Variants in DNAJC16 observed in about 807,000 individuals in gnomAD.
The protein encoded by DNAJC16 is dnaJ homolog subfamily C member 16.
Under a neutral mutation model 92.7 loss-of-function variants are expected in DNAJC16, and 76 were observed. The ratio of observed to expected loss-of-function variants is 0.82; its 90% CI spans 0.68 to 0.99. DNAJC16 has a LOEUF of 0.99. DNAJC16 is among the 50% of genes least tolerant of loss of function. The pLI is 0.00. For synonymous variants in DNAJC16, 328 were observed against 358.7 expected, an observed-to-expected ratio of 0.91 and a Z score of 0.97; for missense variants, 869 against 942.4, an observed-to-expected ratio of 0.92 and a Z score of 1.02.
intron 4 of DNAJC16, among the ~76,000 whole-genome samples, chr1:15,537,179 C>T (rs1009217293): frequency 1.3e-5 from 2 of 152,122 alleles, no homozygotes; most frequent in African/African-American, 2.4e-5. Flanking sequence ...ATTGCCTATT[C>T]TATAAACCCT....
intron 11 of DNAJC16, chr1:15,565,224 G>A (rs1439487787): frequency 6.6e-6 from 1 of 152,470 alleles, no homozygotes; most frequent in African/African-American, 2.4e-5. Context: ...GCAGAGCCTG[G>A]GACTGTCTCT....
chr1:15,528,637 A>G (rs1192544155), intron 1 of DNAJC16, among the ~76,000 whole-genome samples: 3 of 152,218 alleles, frequency 2.0e-5, no homozygotes, highest in African/African-American at 4.8e-5. Context: ...AGTTTTGTAC[A>G]TGGTAAATCT....
intron 8 of DNAJC16, among the ~76,000 whole-genome samples, chr1:15,561,495 G>T (rs1638690520): frequency 6.6e-6 from 1 of 152,128 alleles, no homozygotes; most frequent in Non-Finnish European, 1.5e-5. Flanking sequence ...GACCAGCCTG[G>T]CCAACATAGT....
At chr1:15,543,247 G>A (rs1026049408) in intron 4 of DNAJC16, among the ~76,000 whole-genome samples, 2 of 152,258 alleles carry the variant, frequency 1.3e-5, no homozygotes, top group African/African-American at 4.8e-5. Flanking sequence ...AGCAGGTTGT[G>A]TGTGGACCCT....
At chr1:15,535,917 A>G (rs1476787628) in intron 3 of DNAJC16, among the ~76,000 whole-genome samples, 1 of 148,046 alleles carries the variant, frequency 6.8e-6, no homozygotes, top group Non-Finnish European at 1.5e-5. Flanking sequence ...GGCACGCACC[A>G]CCATGCCTGG....
intron 7 of DNAJC16, among the ~76,000 whole-genome samples, chr1:15,552,490 A>G (rs915497125): frequency 3.3e-5 from 5 of 150,192 alleles, no homozygotes; most frequent in African/African-American, 1.2e-4. Flanking sequence ...CTTCATCTCA[A>G]AAAAAAAAAG....
intron 4 of DNAJC16, among the ~76,000 whole-genome samples, chr1:15,540,352 C>G (rs946525029): frequency 2.0e-5 from 3 of 152,052 alleles, no homozygotes; most frequent in African/African-American, 7.2e-5. Flanking sequence ...AAAAAAACCA[C>G]AAATGTAAAA....
chr1:15,549,835 A>C (rs1638402219), intron 7 of DNAJC16, among the ~76,000 whole-genome samples: 1 of 151,900 alleles, frequency 6.6e-6, no homozygotes, highest in African/African-American at 2.4e-5. Context: ...AAAAAAAAAA[A>C]AAAGATGTTT....
In DNAJC16 at chr1:15,544,602, A is replaced by G; in HGVS notation, c.759+19A>G. 6.2e-7 allele frequency: 1 copy of G among 1,612,620 alleles called. No individual in the cohort carries two copies. The highest frequency in any genetic ancestry group is 1.3e-5 in the African/African-American group (1 of 75,010). On this transcript the variant is annotated intron_variant, in intron 5 of 14. Coordinates refer to ENST00000375847, the MANE Select transcript of DNAJC16 (RefSeq NM_015291.4). Reference sequence around the variant, plus strand: ...GGAGAAAGTAAGTATCTGTCAAGGAAACTATGGCTGAGAAGTAGTTTAAGA... The same window carrying G: ...GGAGAAAGTAAGTATCTGTCAAGGAGACTATGGCTGAGAAGTAGTTTAAGA...
At chr1:15,563,094 C>A (rs1570929401) in intron 9 of DNAJC16, among the ~76,000 whole-genome samples, 2 of 152,012 alleles carry the variant, frequency 1.3e-5, no homozygotes, top group East Asian at 3.9e-4. Context: ...TCTCCTCTGA[C>A]TTTTCATCAT....
rs1449570627 is a variant in DNAJC16 at position 15,569,285 on chromosome 1, G to A, written c.*1108G>A. ...TTTTGCAGGAAGTGAGCCAAGATTTGTTCTAGACTCCCATTTTGCAAAAGG... is the reference window on the plus strand; with the variant it reads ...TTTTGCAGGAAGTGAGCCAAGATTTATTCTAGACTCCCATTTTGCAAAAGG... On this transcript the variant is annotated 3_prime_UTR_variant, in exon 15 of 15. Coordinates refer to ENST00000375847, the MANE Select transcript of DNAJC16 (RefSeq NM_015291.4). 1 of 152,264 alleles carries A rather than the reference G, an allele frequency of 6.6e-6. No homozygotes were observed. Among genetic ancestry groups the A allele is most frequent in the Non-Finnish European group, 1.5e-5 (1 of 68,028 alleles). The allele number at this position is 152,264 out of a possible 1,614,324, so 9.4% of individuals were successfully genotyped here. A position where few individuals can be genotyped will look rare whatever the true frequency, so the allele number is the denominator to read the frequency against.
intron 14 of DNAJC16, 76 bp from the exon 15 acceptor site, chr1:15,567,702 C>T: frequency 6.2e-6 from 9 of 1,447,748 alleles, no homozygotes; most frequent in Non-Finnish European, 8.4e-6. Context: ...TTTTAAGTCT[C>T]ACTGGGGTAT....
chr1:15,551,601 G>GT (rs67556735), intron 7 of DNAJC16, among the ~76,000 whole-genome samples: 6,959 of 142,528 alleles, frequency 0.049, 273 homozygotes, highest in African/African-American at 0.11. Flanking sequence ...AAGTGATGTG[G>GT]TTTTTTTTTT....
chr1:15,568,698 C>T lies in DNAJC16; in HGVS notation c.*521C>T, dbSNP rs149794256. 73 of 399,110 alleles carry T rather than the reference C, an allele frequency of 1.8e-4. No homozygotes were observed. Among genetic ancestry groups the T allele is most frequent in the African/African-American group, 1.3e-3 (64 of 48,758 alleles). The allele number at this position is 399,110 out of a possible 1,614,324, so 24.7% of individuals were successfully genotyped here. Reference sequence around the variant, plus strand: ...AAAGGCCCCTTTCCAAGCAATCTCACGTTTACTGGTTGTTCTGGGAGTAAG... The same window carrying T: ...AAAGGCCCCTTTCCAAGCAATCTCATGTTTACTGGTTGTTCTGGGAGTAAG... On this transcript the variant is annotated 3_prime_UTR_variant, in exon 15 of 15. Transcript: ENST00000375847.
Position 15,568,411 on chromosome 1 carries a change from T to C in DNAJC16, c.*234T>C, listed in dbSNP as rs1638869444. ...TCCTCTGGGTGTTATTTTTCCCCACTGAATGCCACACCATTGAAAATAGAC... is the reference window on the plus strand; with the variant it reads ...TCCTCTGGGTGTTATTTTTCCCCACCGAATGCCACACCATTGAAAATAGAC... On this transcript the variant is annotated 3_prime_UTR_variant, in exon 15 of 15. Transcript: ENST00000375847. The C allele has an allele frequency of 1.8e-6, 1 of 546,418 alleles. No individual in the cohort carries two copies. The highest frequency in any genetic ancestry group is 3.4e-5 in the Admixed American group (1 of 29,228). 33.8% of individuals were successfully genotyped at this position (546,418 alleles called of 1,614,324 possible).
chr1:15,534,963 T>C (rs1325848811), intron 3 of DNAJC16, among the ~76,000 whole-genome samples: 4 of 152,194 alleles, frequency 2.6e-5, no homozygotes, highest in African/African-American at 9.7e-5. Flanking sequence ...AAACACAAGA[T>C]TTTCAGTAAT....
intron 4 of DNAJC16, among the ~76,000 whole-genome samples, chr1:15,543,487 G>T (rs561353337): frequency 6.6e-6 from 1 of 152,188 alleles, no homozygotes; most frequent in East Asian, 1.9e-4. Context: ...GGAACCAGGG[G>T]CCAAACACAA....
chr1:15,551,185 G>A (rs1243538044), intron 7 of DNAJC16, among the ~76,000 whole-genome samples: 1 of 152,114 alleles, frequency 6.6e-6, no homozygotes, highest in South Asian at 2.1e-4. Flanking sequence ...TTATATCTTT[G>A]ATGAAGCAGT....
intron 1 of DNAJC16, 92 bp from the exon 2 acceptor site, chr1:15,528,996 G>A: frequency 8.9e-7 from 1 of 1,125,866 alleles, no homozygotes; most frequent in Non-Finnish European, 1.2e-6. Flanking sequence ...TGTTGGTTTT[G>A]TTTTTCATCT....
Sources: gnomAD v4.1 joint callset for allele counts (sites outside exome capture counted in the v4.1 genomes callset) on GRCh38, gnomAD v4.1.1 for gene constraint, MANE v1.5 for transcripts, NCBI Gene and HGNC (gene_info 2026-07-23, HGNC 2026-07-21) for gene names.